The following DLGAP4 variants were observed in gnomAD, a reference collection of about 807,000 sequenced individuals.
DLGAP4 encodes the protein DLG associated protein 4, also known as disks large-associated protein 4.
A neutral mutation model predicts 86.9 loss-of-function variants in DLGAP4; 18 were observed. That is an observed-to-expected ratio of 0.21 (90% confidence interval 0.14 to 0.31). DLGAP4 has a LOEUF of 0.31. Ranked by LOEUF, DLGAP4 falls within the 10% of genes least tolerant of loss-of-function variation. The pLI, the probability that DLGAP4 is intolerant of heterozygous loss-of-function variation, is 1.00. For synonymous variants in DLGAP4, 548 were observed against 574.3 expected (o/e 0.95, Z 0.65); for missense variants, 1,085 against 1,362.6 (o/e 0.80, Z 3.21).
chr20:36,345,412 G>T (rs1227369304), intron 1 of DLGAP4, among the ~76,000 whole-genome samples: 2 of 152,222 alleles, frequency 1.3e-5, no homozygotes, highest in African/African-American at 4.8e-5. Context: ...ACACACTGTG[G>T]CAGATAGAGC....
chr20:36,480,660 A>G (rs993748772), intron 7 of DLGAP4, among the ~76,000 whole-genome samples: 10 of 152,156 alleles, frequency 6.6e-5, no homozygotes, highest in Admixed American at 1.3e-4. Flanking sequence ...ACAGTGAACT[A>G]TGATCACACC....
intron 2 of DLGAP4, among the ~76,000 whole-genome samples, chr20:36,392,736 T>A (rs192105672): frequency 3.6e-4 from 55 of 152,358 alleles, no homozygotes; most frequent in African/African-American, 1.3e-3. Flanking sequence ...AGGTTTCAGG[T>A]ACTGTTTCAG....
intron 7 of DLGAP4, among the ~76,000 whole-genome samples, chr20:36,470,575 TAA>T (rs75020252): frequency 3.4e-4 from 45 of 134,206 alleles, no homozygotes; most frequent in Non-Finnish European, 4.1e-4. Flanking sequence ...CAAACTTGGT[TAA>T]AAAAAAAAAA....
intron 7 of DLGAP4, among the ~76,000 whole-genome samples, chr20:36,457,764 C>G (rs1031085669): frequency 5.3e-5 from 8 of 151,622 alleles, no homozygotes; most frequent in Admixed American, 6.6e-5. Flanking sequence ...ATCCGCACAC[C>G]TTGGCCTCCC....
At chr20:36,493,840 G>A (rs1258891016) in intron 7 of DLGAP4, among the ~76,000 whole-genome samples, 1 of 152,234 alleles carries the variant, frequency 6.6e-6, no homozygotes, top group Admixed American at 6.5e-5. Context: ...CACCTCACAG[G>A]CTCTGAGGCT....
chr20:36,465,895 C>T (rs79960751), intron 7 of DLGAP4, among the ~76,000 whole-genome samples: 278 of 152,280 alleles, frequency 1.8e-3, no homozygotes, highest in Non-Finnish European at 2.9e-3. Flanking sequence ...AGTGCCCTCT[C>T]TTCCCCTAGA....
At chr20:36,361,831 T>C (rs1226033714) in intron 1 of DLGAP4, among the ~76,000 whole-genome samples, 3 of 150,848 alleles carry the variant, frequency 2.0e-5, no homozygotes, top group African/African-American at 7.3e-5. Context: ...AAAAAATTAT[T>C]AGCGGAGCGT....
intron 1 of DLGAP4, among the ~76,000 whole-genome samples, chr20:36,309,080 T>C (rs1555889727): frequency 1.3e-5 from 2 of 151,966 alleles, no homozygotes; most frequent in African/African-American, 4.8e-5. Flanking sequence ...CTTCAGGGTC[T>C]TCACACATGC....
chr20:36,475,896 G>A (rs1325752902), intron 7 of DLGAP4, among the ~76,000 whole-genome samples: 1 of 152,000 alleles, frequency 6.6e-6, no homozygotes, highest in Non-Finnish European at 1.5e-5. Context: ...GTCTCACTCT[G>A]TCGCCCAGGC....
rs2031840409 is a variant in DLGAP4, at chr20:36,393,180, AGAAGGGGTG to A, written c.-73+25913_-73+25921del. ...CTGGAGAACTGGGAGTCATTAGGGC[AGAAGGGGTG>A]GAAGGGGGTGATTCAAATCCCAGGG... On this transcript the variant is annotated intron_variant, in intron 2 of 12. Coordinates refer to ENST00000339266, the MANE Select transcript of DLGAP4 (RefSeq NM_001365621.2). This position sits in a 1 kb window ranked among gnomAD's most constrained non-coding sequence, Gnocchi z 4.4. Among the ~76,000 whole-genome samples the A allele has an allele frequency of 6.6e-6, 1 of 151,868 alleles. No homozygotes were observed. The highest frequency in any genetic ancestry group is 1.5e-5 in the Non-Finnish European group (1 of 67,956).
In DLGAP4 at chr20:36,306,918, G is replaced by A. The variant is rs1337002276; in HGVS notation, c.-304+406G>A. Among the ~76,000 whole-genome samples the A allele has an allele frequency of 6.6e-6, 1 of 152,134 alleles. No homozygotes were observed. The highest frequency in any genetic ancestry group is 1.5e-5 in the Non-Finnish European group (1 of 68,008). On this transcript the variant is annotated intron_variant, in intron 1 of 12. Transcript: ENST00000339266. The surrounding 1 kb of genome is among the most constrained non-coding windows in gnomAD (Gnocchi z 4.9). ...AGGCCCGCCCCCTAATCCGCAGGGC[G>A]GCCTGGGGGTCAGGCGGACCCCTCC...
At chr20:36,404,476 A>G (rs987005108) in intron 2 of DLGAP4, among the ~76,000 whole-genome samples, 3 of 152,212 alleles carry the variant, frequency 2.0e-5, no homozygotes, top group African/African-American at 7.2e-5. Flanking sequence ...AGGCGTCTCA[A>G]GCAGATAAGC....
chr20:36,501,571 T>C (rs369666585), intron 10 of DLGAP4, among the ~76,000 whole-genome samples: 83 of 151,228 alleles, frequency 5.5e-4, no homozygotes, highest in African/African-American at 2.0e-3. Flanking sequence ...TGGAGGGGGG[T>C]TGGGTGGTGG....
chr20:36,318,485 C>T (rs2065133189), intron 1 of DLGAP4, among the ~76,000 whole-genome samples: 1 of 152,182 alleles, frequency 6.6e-6, no homozygotes, highest in Non-Finnish European at 1.5e-5. Flanking sequence ...TGTTCCTCCC[C>T]ACTCAGCCTC....
chr20:36,514,978 C>T (rs956128575), intron 10 of DLGAP4, among the ~76,000 whole-genome samples: 4 of 151,978 alleles, frequency 2.6e-5, no homozygotes, highest in African/African-American at 9.7e-5. Context: ...GGAGAGGACG[C>T]GTAGGACGTC....
At chr20:36,461,507 G>T (rs1165205190) in intron 7 of DLGAP4, 2 of 983,228 alleles carry the variant, frequency 2.0e-6, no homozygotes, top group Admixed American at 6.3e-5. Context: ...CGTGAGGGAG[G>T]AGGGTGAGTG....
At chr20:36,379,317 G>A (rs1352159922) in intron 2 of DLGAP4, among the ~76,000 whole-genome samples, 1 of 152,220 alleles carries the variant, frequency 6.6e-6, no homozygotes, top group African/African-American at 2.4e-5. Flanking sequence ...CTGGTGGTGG[G>A]TGCGGGATCC....
chr20:36,309,978 G>A (rs988425889), intron 1 of DLGAP4, among the ~76,000 whole-genome samples: 4 of 152,264 alleles, frequency 2.6e-5, no homozygotes, highest in South Asian at 2.1e-4. Context: ...CGCTGAGCAG[G>A]GTTTTGGAGG....
chr20:36,405,209 G>A (rs1050107896), intron 2 of DLGAP4, among the ~76,000 whole-genome samples: 1 of 152,242 alleles, frequency 6.6e-6, no homozygotes, highest in African/African-American at 2.4e-5. Flanking sequence ...TCAGGAAGAT[G>A]TGGATAGTGG....
Sources: gnomAD v4.1 joint callset for allele counts (sites outside exome capture counted in the v4.1 genomes callset) on GRCh38, gnomAD v4.1.1 for gene constraint, Gnocchi (gnomAD v3.1) non-coding constraint, MANE v1.5 for transcripts, NCBI Gene and HGNC (gene_info 2026-07-23, HGNC 2026-07-21) for gene names.